Variants in PARN observed in about 807,000 individuals in gnomAD.
The protein encoded by PARN is poly(A)-specific ribonuclease, also known as poly(A)-specific ribonuclease PARN.
PARN carries 71 observed loss-of-function variants against 102.8 expected under a neutral mutation model. The observed-to-expected ratio is 0.69, with a 90% CI of 0.57 to 0.84. PARN has a LOEUF of 0.84. Ranked by LOEUF, PARN falls within the 40% of genes least tolerant of loss-of-function variation. The probability of loss-of-function intolerance (pLI) is 0.00; values close to 1 mark genes in which losing one functional copy is unlikely to be tolerated. For synonymous variants in PARN, 261 were observed against 252.9 expected, an observed-to-expected ratio of 1.03 and a Z score of -0.30; for missense variants, 782 against 760.9, an observed-to-expected ratio of 1.03 and a Z score of -0.33.
intron 22 of PARN, among the ~76,000 whole-genome samples, chr16:14,461,446 T>C (rs1324231274): frequency 6.6e-6 from 1 of 152,240 alleles, no homozygotes; most frequent in African/African-American, 2.4e-5. Flanking sequence ...ACTGTTGTAC[T>C]CCTTTGTAAG....
At chr16:14,545,184 A>G (rs941131544) in intron 21 of PARN, among the ~76,000 whole-genome samples, 4 of 152,212 alleles carry the variant, frequency 2.6e-5, no homozygotes, top group Non-Finnish European at 5.9e-5. Flanking sequence ...TGTCTCAAAG[A>G]AAAACATCAA....
chr16:14,580,991 C>T, intron 17 of PARN, 48 bp from the exon 18 acceptor site: 1 of 1,173,154 alleles, frequency 8.5e-7, no homozygotes, highest in South Asian at 1.3e-5. Context: ...TCACATAGAC[C>T]AAGCCTGAAA....
At chr16:14,478,790 C>CT (rs1266759004) in intron 22 of PARN, among the ~76,000 whole-genome samples, 14 of 151,904 alleles carry the variant, frequency 9.2e-5, no homozygotes, top group East Asian at 1.9e-4. Flanking sequence ...AATTATATTT[C>CT]TTTTTTTTGA....
intron 18 of PARN, among the ~76,000 whole-genome samples, chr16:14,562,761 A>T (rs1303404932): frequency 3.3e-5 from 5 of 152,218 alleles, no homozygotes; most frequent in African/African-American, 1.2e-4. Flanking sequence ...ATGCAGCACT[A>T]AAGATTAGCA....
intron 23 of PARN, among the ~76,000 whole-genome samples, chr16:14,442,699 C>T (rs1426432269): frequency 1.3e-5 from 2 of 151,404 alleles, no homozygotes; most frequent in African/African-American, 2.4e-5. Flanking sequence ...CTCACTGCAA[C>T]CTCAGCCTCC....
chr16:14,500,124 C>T (rs1357763502), intron 21 of PARN, among the ~76,000 whole-genome samples: 1 of 152,100 alleles, frequency 6.6e-6, no homozygotes, highest in African/African-American at 2.4e-5. Flanking sequence ...AGCACAACCA[C>T]GGTTCACTGC....
intron 18 of PARN, among the ~76,000 whole-genome samples, chr16:14,559,514 G>GA (rs1967922040): frequency 2.0e-5 from 3 of 151,930 alleles, no homozygotes; most frequent in Non-Finnish European, 4.4e-5. Flanking sequence ...ACATCATGGA[G>GA]AATGCAGTGT....
chr16:14,465,734 C>G (rs1461417556), intron 22 of PARN, among the ~76,000 whole-genome samples: 1 of 151,934 alleles, frequency 6.6e-6, no homozygotes, highest in Non-Finnish European at 1.5e-5. Flanking sequence ...CCAAAGAGAA[C>G]AAAGTTGGAG....
At chr16:14,622,659 C>A (rs972151263) in intron 5 of PARN, among the ~76,000 whole-genome samples, 6 of 152,212 alleles carry the variant, frequency 3.9e-5, no homozygotes, top group African/African-American at 1.2e-4. Context: ...CGCCCGCCCC[C>A]ACGCCTGGCT....
At chr16:14,609,962 AG>A (rs1338302753) in intron 7 of PARN, among the ~76,000 whole-genome samples, 2 of 152,240 alleles carry the variant, frequency 1.3e-5, no homozygotes, top group East Asian at 3.8e-4. Context: ...CTGTAATCCC[AG>A]CGCTCTGGGA....
chr16:14,475,019 T>C (rs952683227), intron 22 of PARN, among the ~76,000 whole-genome samples: 2 of 152,230 alleles, frequency 1.3e-5, no homozygotes, highest in African/African-American at 4.8e-5. Flanking sequence ...AGCTTTGATA[T>C]ATGCATTAGC....
intron 22 of PARN, among the ~76,000 whole-genome samples, chr16:14,462,199 G>A (rs150114339): frequency 1.8e-4 from 27 of 152,244 alleles, no homozygotes; most frequent in African/African-American, 5.8e-4. Context: ...AGGAAGAGCT[G>A]TATGCATTCT....
intron 21 of PARN, among the ~76,000 whole-genome samples, chr16:14,520,900 T>C (rs903946459): frequency 6.6e-6 from 1 of 152,152 alleles, no homozygotes; most frequent in African/African-American, 2.4e-5. Flanking sequence ...AGTGTGTGTG[T>C]CTTGGACATT....
intron 6 of PARN, among the ~76,000 whole-genome samples, chr16:14,615,045 G>A (rs980699809): frequency 6.6e-6 from 1 of 151,834 alleles, no homozygotes; most frequent in Non-Finnish European, 1.5e-5. Context: ...TCCAGACAAG[G>A]AAATCAAAAG....
chr16:14,597,138 G>A (rs1255436725), intron 12 of PARN, among the ~76,000 whole-genome samples: 1 of 152,038 alleles, frequency 6.6e-6, no homozygotes, highest in African/African-American at 2.4e-5. Context: ...AAGGACGAAG[G>A]AAATATAAAC....
In PARN at chr16:14,481,302, A is replaced by T. The variant is rs1225003604; in HGVS notation, c.1670+1336T>A. ...TACATAATTAAATACTCAACGATTAAAAAACTGCTGAGATGCAATAGCAAG... is the reference window on the plus strand; with the variant it reads ...TACATAATTAAATACTCAACGATTATAAAACTGCTGAGATGCAATAGCAAG... On this transcript the variant is annotated intron_variant, in intron 22 of 23. Coordinates refer to ENST00000437198, the MANE Select transcript of PARN (RefSeq NM_002582.4). Among the ~76,000 whole-genome samples the T allele has an allele frequency of 3.3e-5, 5 of 152,366 alleles. No homozygotes were observed. In the East Asian group the frequency reaches 9.6e-4, roughly 29 times the overall value.
At chr16:14,487,498 A>T (rs571401627) in intron 21 of PARN, among the ~76,000 whole-genome samples, 1 of 152,374 alleles carries the variant, frequency 6.6e-6, no homozygotes, top group South Asian at 2.1e-4. Context: ...GGAAGACAAC[A>T]TAAGATGTAG....
chr16:14,619,470 T>C (rs1225293912), intron 5 of PARN, among the ~76,000 whole-genome samples: 2 of 150,956 alleles, frequency 1.3e-5, no homozygotes, highest in Non-Finnish European at 3.0e-5. Context: ...TATTTTAAAA[T>C]AAGTATATAT....
chr16:14,604,968 T>A (rs1002028365), intron 10 of PARN, among the ~76,000 whole-genome samples: 1 of 150,734 alleles, frequency 6.6e-6, no homozygotes, highest in African/African-American at 2.4e-5. Context: ...TGACAGGTTA[T>A]CACTCCCATT....
Sources: allele counts gnomAD v4.1 joint callset (sites outside exome capture counted in the v4.1 genomes callset), GRCh38; gene constraint gnomAD v4.1.1; transcripts MANE v1.5; gene names NCBI Gene and HGNC (gene_info 2026-07-23, HGNC 2026-07-21).